DLGAP2: variants seen among roughly 807,000 people sequenced by gnomAD.
DLGAP2 encodes the protein DLG associated protein 2.
Under a neutral mutation model 100.3 loss-of-function variants are expected in DLGAP2, and 26 were observed. The observed-to-expected ratio is 0.26, with a 90% CI of 0.19 to 0.36. DLGAP2 has a LOEUF of 0.36. Ranked by LOEUF, DLGAP2 falls within the 10% of genes least tolerant of loss-of-function variation. The pLI, the probability that DLGAP2 is intolerant of heterozygous loss-of-function variation, is 1.00. For synonymous variants in DLGAP2, 886 were observed against 630.1 expected, an observed-to-expected ratio of 1.41 and a Z score of -6.08; for missense variants, 1,858 against 1,453.2, an observed-to-expected ratio of 1.28 and a Z score of -4.53.
Position 758,514 on chromosome 8 carries a change from T to A in DLGAP2, c.18+20689T>A, listed in dbSNP as rs148653748. Reference sequence around the variant, plus strand: ...GAGCGTCTTGCTCCACCTCTGCCCATCCCAAGGTGCCCGGGAGAATCACCG... The same window carrying A: ...GAGCGTCTTGCTCCACCTCTGCCCAACCCAAGGTGCCCGGGAGAATCACCG... On this transcript the variant is annotated intron_variant, in intron 1 of 14. Coordinates refer to ENST00000637795, the MANE Select transcript of DLGAP2 (RefSeq NM_001346810.2). Among the ~76,000 whole-genome samples the A allele has an allele frequency of 7.4e-3, 1,122 of 152,310 alleles. 9 individuals are homozygous for A. Among genetic ancestry groups the A allele is most frequent in the Admixed American group, 0.013 (203 of 15,296 alleles).
intron 3 of DLGAP2, among the ~76,000 whole-genome samples, chr8:1,481,837 C>A (rs1799107012): frequency 6.6e-6 from 1 of 152,176 alleles, no homozygotes; most frequent in African/African-American, 2.4e-5. Flanking sequence ...TCTCTGACTC[C>A]TTGGCTGGCC....
chr8:1,269,841 C>T (rs544948883), intron 3 of DLGAP2, among the ~76,000 whole-genome samples: 36 of 152,194 alleles, frequency 2.4e-4, no homozygotes, highest in East Asian at 1.9e-3. Flanking sequence ...GTAATGGGCG[C>T]GCCAGAAGCC....
At chr8:1,286,434 T>C (rs927045842) in intron 3 of DLGAP2, among the ~76,000 whole-genome samples, 5 of 152,224 alleles carry the variant, frequency 3.3e-5, no homozygotes, top group Non-Finnish European at 7.3e-5. Context: ...AGAAGGTGGG[T>C]TCAAAGCAAG....
chr8:1,359,303 G>A (rs981822771), intron 3 of DLGAP2, among the ~76,000 whole-genome samples: 10 of 152,232 alleles, frequency 6.6e-5, no homozygotes, highest in African/African-American at 9.6e-5. Context: ...CGGTCCATGC[G>A]CCCTGGTTAG....
At chr8:783,351 C>T (rs1441670438) in intron 1 of DLGAP2, among the ~76,000 whole-genome samples, 3 of 152,162 alleles carry the variant, frequency 2.0e-5, no homozygotes, top group African/African-American at 2.4e-5. Flanking sequence ...TTTCTTTCTT[C>T]TGTCTTGGTT....
chr8:986,080 T>A (rs1800478942), intron 2 of DLGAP2, among the ~76,000 whole-genome samples: 1 of 152,184 alleles, frequency 6.6e-6, no homozygotes, highest in African/African-American at 2.4e-5. Flanking sequence ...AAACTCTTGA[T>A]ATCCACGTTA....
intron 4 of DLGAP2, among the ~76,000 whole-genome samples, chr8:1,538,033 G>C (rs1348125693): frequency 6.6e-6 from 1 of 152,134 alleles, no homozygotes. Context: ...GTAGCCTCAT[G>C]CAAAGTGCCT....
chr8:940,654 C>T (rs1584907464), intron 2 of DLGAP2, among the ~76,000 whole-genome samples: 1 of 152,240 alleles, frequency 6.6e-6, no homozygotes, highest in Non-Finnish European at 1.5e-5. Flanking sequence ...GTTTTCAGGA[C>T]AGTTTGGAAA....
chr8:1,350,491 G>A (rs1801691338), intron 3 of DLGAP2, among the ~76,000 whole-genome samples: 1 of 90,888 alleles, frequency 1.1e-5, no homozygotes, highest in Admixed American at 1.1e-4. Context: ...GGCCGCGCGG[G>A]TCCTGACTGT....
At chr8:1,698,213 G>A (rs1799453196) in intron 14 of DLGAP2, among the ~76,000 whole-genome samples, 1 of 152,228 alleles carries the variant, frequency 6.6e-6, no homozygotes, top group Admixed American at 6.5e-5. Context: ...CCAGACGACA[G>A]GGGAGTGAGG....
chr8:1,026,610 C>A lies in DLGAP2; in HGVS notation c.73+118644C>A, dbSNP rs530937506. Among the ~76,000 whole-genome samples, 11 of 152,318 alleles carry A rather than the reference C, an allele frequency of 7.2e-5. No individual in the cohort carries two copies. The South Asian group carries it at 2.3e-3, about 32-fold the overall frequency. On this transcript the variant is annotated intron_variant, in intron 2 of 14. Coordinates refer to ENST00000637795, the MANE Select transcript of DLGAP2 (RefSeq NM_001346810.2). ...CTGCATTAATGTCCACATCTGGAAA[C>A]TGACAAAATTCACAATAATAGATGA...
intron 2 of DLGAP2, among the ~76,000 whole-genome samples, chr8:1,087,127 A>T (rs1386126085): frequency 1.3e-5 from 2 of 152,362 alleles, no homozygotes; most frequent in Admixed American, 1.3e-4. Context: ...AATAGATAAA[A>T]AAGTTAAACA....
chr8:840,886 G>C (rs537656488), intron 1 of DLGAP2, among the ~76,000 whole-genome samples: 19 of 152,314 alleles, frequency 1.2e-4, no homozygotes, highest in Admixed American at 1.1e-3. Context: ...GCTGGATCCA[G>C]AGACTGGATC....
chr8:1,452,471 A>C (rs1798190213), intron 3 of DLGAP2, among the ~76,000 whole-genome samples: 1 of 152,206 alleles, frequency 6.6e-6, no homozygotes, highest in Admixed American at 6.5e-5. Context: ...GTGGACATGG[A>C]ATATGGTCAT....
intron 2 of DLGAP2, among the ~76,000 whole-genome samples, chr8:1,165,247 G>A (rs916143660): frequency 4.6e-5 from 7 of 151,714 alleles, no homozygotes; most frequent in African/African-American, 1.5e-4. Context: ...CAGAGGGAGA[G>A]GAAGACAGAT....
At chr8:1,600,011 G>A (rs951174397) in intron 6 of DLGAP2, among the ~76,000 whole-genome samples, 2 of 152,094 alleles carry the variant, frequency 1.3e-5, no homozygotes, top group African/African-American at 4.8e-5. Context: ...GGCTGGTACC[G>A]GTTTTTGCTT....
chr8:896,394 C>A (rs981022079), intron 1 of DLGAP2, among the ~76,000 whole-genome samples: 1 of 147,842 alleles, frequency 6.8e-6, no homozygotes, highest in African/African-American at 2.5e-5. Context: ...CCCTGAGCTG[C>A]CGGGATGGTG....
At chr8:1,092,322 G>T (rs1310318805) in intron 2 of DLGAP2, among the ~76,000 whole-genome samples, 2 of 152,230 alleles carry the variant, frequency 1.3e-5, no homozygotes, top group Non-Finnish European at 2.9e-5. Flanking sequence ...CTGCTGATGT[G>T]CAATATGTGT....
intron 2 of DLGAP2, among the ~76,000 whole-genome samples, chr8:1,181,945 C>T (rs1408262786): frequency 6.6e-6 from 1 of 152,198 alleles, no homozygotes; most frequent in Admixed American, 6.5e-5. Context: ...TAGACAATAA[C>T]ATTTTAGGTG....
Sources: gnomAD v4.1 joint callset for allele counts (sites outside exome capture counted in the v4.1 genomes callset) on GRCh38, gnomAD v4.1.1 for gene constraint, MANE v1.5 for transcripts, NCBI Gene and HGNC (gene_info 2026-07-23, HGNC 2026-07-21) for gene names.